Variants in CUX1 observed in about 807,000 individuals in gnomAD.
CUX1 encodes protein CASP.
Under a neutral mutation model 158.8 loss-of-function variants are expected in CUX1, and 31 were observed. The ratio of observed to expected loss-of-function variants is 0.20; its 90% CI spans 0.15 to 0.26. CUX1 has a LOEUF of 0.26. Ranked by LOEUF, CUX1 falls within the 10% of genes least tolerant of loss-of-function variation. The pLI is 1.00. For missense variants in CUX1, 1,589 were observed against 2,014.6 expected (o/e 0.79, Z 4.04); for synonymous variants, 879 against 862.1 (o/e 1.02, Z -0.34).
chr7:102,097,551 T>C (rs1737011905), intron 5 of CUX1, 50 bp downstream of exon 5: 1 of 1,524,802 alleles, frequency 6.6e-7, no homozygotes, highest in Non-Finnish European at 8.8e-7. Context: ...TTTTTTTCTC[T>C]TCTTTTTATT....
At chr7:102,084,368 AT>A (rs1299401891) in intron 4 of CUX1, among the ~76,000 whole-genome samples, 2 of 149,522 alleles carry the variant, frequency 1.3e-5, no homozygotes, top group African/African-American at 2.4e-5. Context: ...AGCTCTAGAA[AT>A]TTTTTTGAAG....
intron 4 of CUX1, among the ~76,000 whole-genome samples, chr7:102,090,688 C>CT (rs34834342): frequency 0.3 from 40,880 of 136,310 alleles, 6,480 homozygotes; most frequent in African/African-American, 0.44. Context: ...CACCCCGCCT[C>CT]TTTTTTTTTT....
chr7:102,261,679 C>T (rs1235836038), downstream of CUX1, among the ~76,000 whole-genome samples: 2 of 152,136 alleles, frequency 1.3e-5, no homozygotes, highest in East Asian at 3.9e-4. Context: ...TCAGGAGACA[C>T]TGGCTGTATC....
intron 20 of CUX1, among the ~76,000 whole-genome samples, chr7:102,226,832 C>T (rs902761207): frequency 1.1e-4 from 16 of 152,086 alleles, no homozygotes; most frequent in Non-Finnish European, 2.2e-4. Context: ...AGTTTCACCA[C>T]GTTGGCCAGG....
intron 1 of CUX1, among the ~76,000 whole-genome samples, chr7:101,861,159 G>C (rs1797420628): frequency 6.6e-6 from 1 of 152,094 alleles, no homozygotes; most frequent in African/African-American, 2.4e-5. Context: ...ACGGATCTCA[G>C]CCACCCTGCT....
At chr7:101,828,039 G>A (rs1793578638) in intron 1 of CUX1, among the ~76,000 whole-genome samples, 1 of 149,906 alleles carries the variant, frequency 6.7e-6, no homozygotes, top group Non-Finnish European at 1.5e-5. Context: ...TGCGGTGGCG[G>A]ATCTCGACTC....
intron 3 of CUX1, among the ~76,000 whole-genome samples, chr7:102,063,248 C>T (rs918358360): frequency 5.9e-5 from 9 of 152,234 alleles, no homozygotes; most frequent in East Asian, 1.9e-4. Flanking sequence ...AGCTGGAGAG[C>T]GCTGTTGGGT....
At chr7:102,212,876 C>T (rs1431739357) in intron 20 of CUX1, among the ~76,000 whole-genome samples, 1 of 152,162 alleles carries the variant, frequency 6.6e-6, no homozygotes, top group African/African-American at 2.4e-5. Flanking sequence ...GAGGGAGTCT[C>T]GCTCTGTCAC....
chr7:101,985,271 A>T (rs1165621851), intron 2 of CUX1, among the ~76,000 whole-genome samples: 1 of 151,900 alleles, frequency 6.6e-6, no homozygotes, highest in South Asian at 2.1e-4. Flanking sequence ...TGCAGACGGG[A>T]GAGGGGGGTC....
chr7:101,856,182 CAAA>C (rs768518044), intron 1 of CUX1, among the ~76,000 whole-genome samples: 11 of 48,046 alleles, frequency 2.3e-4, no homozygotes, highest in Non-Finnish European at 3.4e-4. Context: ...GACCCTGTCT[CAAA>C]AAAAAAAAAA....
chr7:101,990,628 C>G (rs897051608), intron 2 of CUX1, among the ~76,000 whole-genome samples: 1 of 151,828 alleles, frequency 6.6e-6, no homozygotes, highest in Non-Finnish European at 1.5e-5. Flanking sequence ...GCTCCCACCT[C>G]GGCCTCCCAA....
chr7:102,274,119 C>A, intron 15 of CUX1: 2 of 877,246 alleles, frequency 2.3e-6, no homozygotes, highest in Non-Finnish European at 3.7e-6. Context: ...AGCCAGCCTG[C>A]ACCCCGGATG....
chr7:102,215,514 G>A (rs550430571), intron 20 of CUX1, among the ~76,000 whole-genome samples: 55 of 152,278 alleles, frequency 3.6e-4, no homozygotes, highest in Non-Finnish European at 5.7e-4. Flanking sequence ...CGTGAGCACC[G>A]AAGCGGGAAG....
intron 7 of CUX1, among the ~76,000 whole-genome samples, chr7:102,113,856 C>G (rs558386342): frequency 6.6e-6 from 1 of 152,258 alleles, no homozygotes; most frequent in South Asian, 2.1e-4. Context: ...GTGTGGGCTA[C>G]CGCACCTGGC....
At chr7:101,950,136 A>G (rs535218461) in intron 2 of CUX1, among the ~76,000 whole-genome samples, 1 of 152,154 alleles carries the variant, frequency 6.6e-6, no homozygotes, top group East Asian at 1.9e-4. Flanking sequence ...CAGCCTCCCG[A>G]GTAGCTGGGA....
At chr7:101,868,014 C>CT (rs538081049) in intron 1 of CUX1, among the ~76,000 whole-genome samples, 171 of 152,018 alleles carry the variant, frequency 1.1e-3, no homozygotes, top group Non-Finnish European at 2.0e-3. Flanking sequence ...CCTGGCCTCT[C>CT]TTTTTTAAAA....
At chr7:101,817,074 G>T (rs1374823657), upstream of CUX1, 35 of 984,582 alleles carry the variant, frequency 3.6e-5, no homozygotes, top group East Asian at 3.2e-3. The surrounding 1 kb of genome is among the most constrained non-coding windows in gnomAD (Gnocchi z 4.1). Context: ...GGCGAGGGGC[G>T]GCGGGGGTGC....
intron 2 of CUX1, among the ~76,000 whole-genome samples, chr7:101,962,278 T>G (rs433736): frequency 0.85 from 129,254 of 152,158 alleles, 55,322 homozygotes; most frequent in African/African-American, 0.91. Context: ...TTTCTCTCTG[T>G]CCGTGGAATC....
intron 2 of CUX1, among the ~76,000 whole-genome samples, chr7:101,984,131 C>CATATATATATATATATATATATATATAT (rs1440848840): frequency 1.6e-4 from 4 of 25,720 alleles, no homozygotes; most frequent in African/African-American, 5.6e-4. Flanking sequence ...TATATATATA[C>CATATATATATATATATATATATATATAT]ACACACACAT....
Sources: gnomAD v4.1 joint callset for allele counts (sites outside exome capture counted in the v4.1 genomes callset) on GRCh38, gnomAD v4.1.1 for gene constraint, Gnocchi (gnomAD v3.1) non-coding constraint, MANE v1.5 for transcripts, NCBI Gene and HGNC (gene_info 2026-07-23, HGNC 2026-07-21) for gene names.